The following SHANK2 variants were observed in gnomAD, a reference collection of about 807,000 sequenced individuals.
The protein encoded by SHANK2 is SH3 and multiple ankyrin repeat domains protein 2.
A neutral mutation model predicts 133.7 loss-of-function variants in SHANK2; 43 were observed. The observed-to-expected ratio is 0.32, with a 90% CI of 0.25 to 0.41. The LOEUF (loss-of-function observed/expected upper bound fraction) is 0.41, where lower values mean the gene tolerates loss of function less well. SHANK2 is among the 10% of genes least tolerant of loss of function. SHANK2 has a pLI of 1.00. For synonymous variants in SHANK2, 1,017 were observed against 952.8 expected (o/e 1.07, Z -1.24); for missense variants, 1,994 against 2,235.8 (o/e 0.89, Z 2.18).
chr11:70,558,436 A>G (rs1187175758), intron 17 of SHANK2, among the ~76,000 whole-genome samples: 2 of 152,252 alleles, frequency 1.3e-5, no homozygotes, highest in South Asian at 2.1e-4. Flanking sequence ...CTGGCCTTCA[A>G]GACAGTGCCT....
intron 17 of SHANK2, among the ~76,000 whole-genome samples, chr11:70,554,343 G>A (rs1328121887): frequency 6.6e-6 from 1 of 152,248 alleles, no homozygotes. Context: ...TGCAGCTTCA[G>A]GGAGGGTTCC....
intron 12 of SHANK2, among the ~76,000 whole-genome samples, chr11:70,817,052 G>A (rs1948414524): frequency 2.0e-5 from 3 of 152,196 alleles, no homozygotes; most frequent in South Asian, 4.1e-4. Context: ...GAATGCATAT[G>A]GCCCTATGCA....
intron 14 of SHANK2, among the ~76,000 whole-genome samples, chr11:70,764,499 C>A (rs543519023): frequency 5.7e-4 from 85 of 149,184 alleles, no homozygotes; most frequent in African/African-American, 2.1e-3. Flanking sequence ...CCCTCCCTCC[C>A]CTCTCTCTTC....
intron 2 of SHANK2, among the ~76,000 whole-genome samples, chr11:71,206,701 C>T (rs1406100733): frequency 6.6e-6 from 1 of 152,048 alleles, no homozygotes; most frequent in Non-Finnish European, 1.5e-5. Flanking sequence ...TTTGCAAGGC[C>T]GAGGCAGGAG....
intron 11 of SHANK2, among the ~76,000 whole-genome samples, chr11:70,867,118 A>T (rs1196068556): frequency 1.0e-4 from 8 of 77,978 alleles, no homozygotes; most frequent in Non-Finnish European, 2.4e-4. Context: ...GGTGTATTTA[A>T]AAAAAAAAAA....
intron 17 of SHANK2, among the ~76,000 whole-genome samples, chr11:70,613,763 G>GTTTGTTTTTT (rs2060698206): frequency 1.6e-5 from 2 of 123,774 alleles, no homozygotes; most frequent in East Asian, 4.8e-4. Flanking sequence ...AGGGGAACTT[G>GTTTGTTTTTT]TTTTTTTTTT....
intron 17 of SHANK2, among the ~76,000 whole-genome samples, chr11:70,507,614 C>T (rs913944697): frequency 6.6e-6 from 1 of 152,138 alleles, no homozygotes; most frequent in African/African-American, 2.4e-5. Context: ...GCCATCCCGT[C>T]TGTCACCACT....
intron 2 of SHANK2, among the ~76,000 whole-genome samples, chr11:71,221,749 T>C (rs1251658397): frequency 1.3e-5 from 2 of 152,136 alleles, no homozygotes; most frequent in Non-Finnish European, 2.9e-5. Flanking sequence ...TTCCAGTTTT[T>C]TTCTGAGCAG....
chr11:70,798,790 G>A (rs548505785), intron 13 of SHANK2, among the ~76,000 whole-genome samples: 2 of 152,192 alleles, frequency 1.3e-5, no homozygotes, highest in Non-Finnish European at 2.9e-5. Context: ...TGATGAGACA[G>A]GAATGAAGCA....
Position 71,147,168 on chromosome 11 carries a change from C to T in SHANK2, c.159G>A (p.Gln53=). The T allele has an allele frequency of 6.4e-7, 1 of 1,550,508 alleles. No homozygotes were observed. The change falls in exon 3 of 26, where the codon CAG becomes CAA. Residue 53 remains glutamine, a synonymous_variant. Coordinates refer to ENST00000601538, the MANE Select transcript of SHANK2 (RefSeq NM_012309.5). ...CCACGCGGATCACCAGCGTGTTGCC[C>T]TGGCTCTCCTCCGTCCTGGCACCGC... ...KPGGARTEES[Q]GNTLVIRVVI... is the part of the protein sequence containing the mutation.
chr11:71,177,649 C>G (rs1555113280), intron 2 of SHANK2, among the ~76,000 whole-genome samples: 1 of 152,102 alleles, frequency 6.6e-6, no homozygotes, highest in Non-Finnish European at 1.5e-5. Context: ...AGTAAGATGA[C>G]AGATTTAAAT....
intron 1 of SHANK2, among the ~76,000 whole-genome samples, chr11:71,225,904 A>T (rs1954633165): frequency 6.6e-6 from 1 of 152,070 alleles, no homozygotes; most frequent in Non-Finnish European, 1.5e-5. Flanking sequence ...TGTGTGGATC[A>T]CTCAAGGTTA....
chr11:70,509,893 G>A (rs1383292878), intron 17 of SHANK2, among the ~76,000 whole-genome samples: 1 of 152,214 alleles, frequency 6.6e-6, no homozygotes, highest in Non-Finnish European at 1.5e-5. Context: ...CCCGAGCTGG[G>A]AGAAATAAGT....
intron 20 of SHANK2, among the ~76,000 whole-genome samples, chr11:70,501,358 G>A (rs987649672): frequency 2.6e-5 from 4 of 152,236 alleles, no homozygotes; most frequent in Non-Finnish European, 2.9e-5. Flanking sequence ...CAGGGAGGAC[G>A]GGGCCTGTGA....
intron 10 of SHANK2, among the ~76,000 whole-genome samples, chr11:70,921,550 G>A (rs374274163): frequency 2.5e-4 from 38 of 152,228 alleles, no homozygotes; most frequent in South Asian, 1.4e-3. Context: ...AATATTTGCC[G>A]AATTCTGAAA....
In SHANK2 at chr11:71,134,439, A is replaced by ATT. The variant is rs376602865; in HGVS notation, c.207+12679_207+12680dup. Among the ~76,000 whole-genome samples the ATT allele has an allele frequency of 2.3e-3, 311 of 134,112 alleles. 2 individuals carry two copies. Among genetic ancestry groups the ATT allele is most frequent in the Middle Eastern group, 8.0e-3 (2 of 250 alleles). The allele number at this position is 134,112 out of a possible 152,430, so 88.0% of individuals were successfully genotyped here. A position where few individuals can be genotyped will look rare whatever the true frequency, so the allele number is the denominator to read the frequency against. The stretch of plus-strand genomic sequence containing the variant: ...TATATGGCATGTATATTACATCTCA[A>ATT]TTTTTTTTTTTTTTTTTTGAGACGG... On this transcript the variant is annotated intron_variant, in intron 3 of 25. Transcript: ENST00000601538.
chr11:71,099,068 C>A (rs577505429), intron 6 of SHANK2, among the ~76,000 whole-genome samples: 4 of 152,204 alleles, frequency 2.6e-5, no homozygotes, highest in African/African-American at 7.2e-5. Context: ...AGCCCCTAAT[C>A]GTGAAAACAC....
At position 70,660,090 on chromosome 11, in the gene SHANK2, C is replaced by A; in HGVS notation, c.1937-138G>T. 3.7e-6 allele frequency: 4 copies of A among 1,072,644 alleles called. No individual in the cohort carries two copies. The South Asian group carries it at 5.4e-5, about 15-fold the overall frequency. 66.4% of individuals were successfully genotyped at this position (1,072,644 alleles called of 1,614,324 possible). A position where few individuals can be genotyped will look rare whatever the true frequency, so the allele number is the denominator to read the frequency against. On this transcript the variant is annotated intron_variant, in intron 16 of 25. Coordinates refer to ENST00000601538, the MANE Select transcript of SHANK2 (RefSeq NM_012309.5). ...CAGGTGGCTAGTCCAGGCCAACTCT[C>A]CCCCAGGAAGGGCTTGAGATTCATA...
intron 14 of SHANK2, among the ~76,000 whole-genome samples, chr11:70,708,188 A>G (rs1352774144): frequency 6.6e-6 from 1 of 152,024 alleles, no homozygotes; most frequent in Non-Finnish European, 1.5e-5. Flanking sequence ...ATTTCTTGCA[A>G]TGGGAGGAGT....
Sources: gnomAD v4.1 joint callset for allele counts (sites outside exome capture counted in the v4.1 genomes callset) on GRCh38, gnomAD v4.1.1 for gene constraint, MANE v1.5 for transcripts, NCBI Gene and HGNC (gene_info 2026-07-23, HGNC 2026-07-21) for gene names.